The following CPEB3 variants were observed in gnomAD, a reference collection of about 807,000 sequenced individuals.
CPEB3 encodes the protein cytoplasmic polyadenylation element binding protein 3, also known as cytoplasmic polyadenylation element-binding protein 3.
A neutral mutation model predicts 67.2 loss-of-function variants in CPEB3; 20 were observed. The observed-to-expected ratio is 0.30, with a 90% CI of 0.21 to 0.43. CPEB3 has a LOEUF of 0.43. Ranked by LOEUF, CPEB3 falls within the 20% of genes least tolerant of loss-of-function variation. The pLI, the probability that CPEB3 is intolerant of heterozygous loss-of-function variation, is 1.00. For synonymous variants in CPEB3, 376 were observed against 393.1 expected (o/e 0.96, Z 0.51); for missense variants, 746 against 968.6 (o/e 0.77, Z 3.05).
At chr10:92,105,864 C>T (rs1327995869) in intron 7 of CPEB3, among the ~76,000 whole-genome samples, 6 of 151,338 alleles carry the variant, frequency 4.0e-5, no homozygotes, top group Non-Finnish European at 8.8e-5. Flanking sequence ...TACAGGCGTC[C>T]GCCACCATGC....
chr10:92,198,925 C>CA (rs1369272974), intron 2 of CPEB3, among the ~76,000 whole-genome samples: 3 of 152,114 alleles, frequency 2.0e-5, no homozygotes, highest in Admixed American at 6.6e-5. Context: ...CAGACAGGAC[C>CA]AAAAATCAAA....
chr10:92,093,181 C>T (rs1328296716), intron 7 of CPEB3, among the ~76,000 whole-genome samples: 2 of 152,192 alleles, frequency 1.3e-5, no homozygotes, highest in Non-Finnish European at 2.9e-5. Flanking sequence ...CCAATATGCT[C>T]TGAGAAGCGG....
chr10:92,275,303 G>A (rs1398892652), intron 1 of CPEB3, among the ~76,000 whole-genome samples: 1 of 152,156 alleles, frequency 6.6e-6, no homozygotes, highest in African/African-American at 2.4e-5. Flanking sequence ...AATGTCTCCA[G>A]ACATTACCAA....
intron 9 of CPEB3, among the ~76,000 whole-genome samples, chr10:92,061,344 G>C (rs556506489): frequency 6.6e-6 from 1 of 151,370 alleles, no homozygotes; most frequent in Non-Finnish European, 1.5e-5. Flanking sequence ...GCTTGAACCC[G>C]GGAGGTGGAG....
At chr10:92,217,757 C>T (rs547553377) in intron 2 of CPEB3, among the ~76,000 whole-genome samples, 10 of 151,670 alleles carry the variant, frequency 6.6e-5, no homozygotes, top group Middle Eastern at 3.4e-3. Flanking sequence ...CGCAAAACTG[C>T]GCCTCAAAAA....
rs545996158 is a variant in CPEB3, at chr10:92,196,905, C to T, written c.1006-4269G>A. On this transcript the variant is annotated intron_variant, in intron 2 of 9. Transcript: ENST00000265997. ...CTAGATCACACCACTGCACTACAGC[C>T]TGGGCAACAGAGTGAGACCCCATCT... Among the ~76,000 whole-genome samples, 46 of 151,514 alleles carry T rather than the reference C, an allele frequency of 3.0e-4. 2 individuals are homozygous for T. The South Asian group carries it at 9.2e-3, about 30-fold the overall frequency.
At chr10:92,085,247 AT>A (rs972810761) in intron 8 of CPEB3, among the ~76,000 whole-genome samples, 9 of 152,234 alleles carry the variant, frequency 5.9e-5, no homozygotes, top group African/African-American at 1.9e-4. Flanking sequence ...ACTACTTTTT[AT>A]TTTCTTTCCC....
intron 6 of CPEB3, among the ~76,000 whole-genome samples, chr10:92,112,588 T>A (rs1844807280): frequency 6.6e-6 from 1 of 152,184 alleles, no homozygotes; most frequent in African/African-American, 2.4e-5. Flanking sequence ...CTTGGGAGAA[T>A]CAGCAAAGAC....
chr10:92,077,367 G>A (rs79204401), intron 9 of CPEB3, among the ~76,000 whole-genome samples: 1,744 of 152,252 alleles, frequency 0.011, 20 homozygotes, highest in Non-Finnish European at 0.017. Context: ...AGGGGACAGA[G>A]TAACAGTTCT....
intron 2 of CPEB3, among the ~76,000 whole-genome samples, chr10:92,227,056 C>T (rs955486336): frequency 1.3e-5 from 2 of 152,174 alleles, no homozygotes; most frequent in African/African-American, 4.8e-5. Flanking sequence ...AGTATGGGCA[C>T]TTTGTCCTAT....
At chr10:92,168,429 A>G (rs1847845493) in intron 4 of CPEB3, among the ~76,000 whole-genome samples, 1 of 152,226 alleles carries the variant, frequency 6.6e-6, no homozygotes, top group African/African-American at 2.4e-5. Flanking sequence ...CAAGTCTCTC[A>G]GCCTATTCTA....
chr10:92,068,394 T>C (rs186629619), intron 9 of CPEB3, among the ~76,000 whole-genome samples: 5 of 152,300 alleles, frequency 3.3e-5, no homozygotes, highest in African/African-American at 9.6e-5. Context: ...CCTCAGGGTA[T>C]AGAGATGCAG....
At chr10:92,263,264 T>G (rs1230979717) in intron 1 of CPEB3, among the ~76,000 whole-genome samples, 1 of 152,148 alleles carries the variant, frequency 6.6e-6, no homozygotes, top group Non-Finnish European at 1.5e-5. Context: ...TTAGTAGAGA[T>G]GGGGTTTCGC....
intron 8 of CPEB3, among the ~76,000 whole-genome samples, chr10:92,086,987 G>C (rs1298929150): frequency 6.6e-6 from 1 of 152,148 alleles, no homozygotes; most frequent in Non-Finnish European, 1.5e-5. Flanking sequence ...TTAGGACATG[G>C]TGAAAAAGCT....
chr10:92,246,259 G>C (rs1374672813), intron 1 of CPEB3, among the ~76,000 whole-genome samples: 1 of 151,224 alleles, frequency 6.6e-6, no homozygotes, highest in Non-Finnish European at 1.5e-5. Flanking sequence ...GCGTGAACCC[G>C]GGAGGCGGAG....
intron 1 of CPEB3, among the ~76,000 whole-genome samples, chr10:92,240,862 A>AAAAC (rs1564901166): frequency 4.6e-5 from 7 of 151,436 alleles, no homozygotes; most frequent in African/African-American, 7.3e-5. Context: ...CACTTTTTAA[A>AAAAC]AAAACAAAAC....
chr10:92,110,811 T>C (rs1844700602), intron 7 of CPEB3, among the ~76,000 whole-genome samples: 1 of 152,254 alleles, frequency 6.6e-6, no homozygotes, highest in Admixed American at 6.5e-5. Flanking sequence ...ATTCAGAATT[T>C]CTGAATAGGA....
At chr10:92,102,908 T>C (rs1414544606) in intron 7 of CPEB3, among the ~76,000 whole-genome samples, 1 of 152,236 alleles carries the variant, frequency 6.6e-6, no homozygotes, top group Non-Finnish European at 1.5e-5. Flanking sequence ...ATATGTCTAT[T>C]TCCCTCTATT....
chr10:92,127,895 C>T (rs117415744), intron 6 of CPEB3, among the ~76,000 whole-genome samples: 51 of 152,260 alleles, frequency 3.3e-4, no homozygotes, highest in Non-Finnish European at 6.0e-4. Context: ...ACTTCAAGTA[C>T]AAGACTCATA....
Sources: gnomAD v4.1 joint callset for allele counts (sites outside exome capture counted in the v4.1 genomes callset) on GRCh38, gnomAD v4.1.1 for gene constraint, MANE v1.5 for transcripts, NCBI Gene and HGNC (gene_info 2026-07-23, HGNC 2026-07-21) for gene names.